TUSC3: variants seen among roughly 807,000 people sequenced by gnomAD.
TUSC3 encodes dolichyl-diphosphooligosaccharide--protein glycosyltransferase subunit TUSC3.
A neutral mutation model predicts 44.8 loss-of-function variants in TUSC3; 45 were observed. That is an observed-to-expected ratio of 1.00 (90% CI 0.79 to 1.29). The LOEUF is 1.29. Ranked by LOEUF, TUSC3 falls within the 50% of genes most tolerant of loss-of-function variation. The probability of loss-of-function intolerance (pLI) is 0.00; values close to 1 mark genes in which losing one functional copy is unlikely to be tolerated. For synonymous variants in TUSC3, 212 were observed against 152.9 expected, an observed-to-expected ratio of 1.39 and a Z score of -2.85; for missense variants, 519 against 437.9, an observed-to-expected ratio of 1.19 and a Z score of -1.65.
chr8:15,559,568 C>T (rs1802381496), intron 1 of TUSC3, among the ~76,000 whole-genome samples: 1 of 141,180 alleles, frequency 7.1e-6, no homozygotes, highest in Admixed American at 7.1e-5. Flanking sequence ...TGTTGACTTT[C>T]TGTCTCGTTG....
chr8:15,535,978 A>G (rs1253300615), upstream of TUSC3, among the ~76,000 whole-genome samples: 1 of 152,188 alleles, frequency 6.6e-6, no homozygotes, highest in African/African-American at 2.4e-5. Context: ...AACTTTTTGA[A>G]AACATGAGTT....
chr8:15,834,846 T>G, the TUSC3 span, among the ~76,000 whole-genome samples: 1 of 152,300 alleles, frequency 6.6e-6, no homozygotes, highest in Middle Eastern at 3.4e-3. Context: ...TAAGGTTTAT[T>G]TATAAGCAGA....
intron 2 of TUSC3, among the ~76,000 whole-genome samples, chr8:15,502,074 ATC>A: frequency 6.6e-6 from 1 of 152,256 alleles, no homozygotes; most frequent in East Asian, 1.9e-4. Context: ...TGTTATCACC[ATC>A]TATCTATTCA....
intron 2 of TUSC3, among the ~76,000 whole-genome samples, chr8:15,496,017 C>G (rs985808595): frequency 3.9e-5 from 6 of 152,184 alleles, no homozygotes; most frequent in African/African-American, 1.4e-4. Flanking sequence ...GTGGCCTCTA[C>G]TGTTCCAGAA....
chr8:15,441,533 A>G (rs2129118537), intron 1 of TUSC3, among the ~76,000 whole-genome samples: 1 of 152,350 alleles, frequency 6.6e-6, no homozygotes, highest in Middle Eastern at 3.4e-3. Context: ...ACTTGAATGG[A>G]AAGAAAATAT....
chr8:15,799,611 A>C, the TUSC3 span, among the ~76,000 whole-genome samples: 162 of 152,314 alleles, frequency 1.1e-3, no homozygotes, highest in African/African-American at 3.7e-3. Flanking sequence ...AGCTAACCAT[A>C]CAATTTGGTC....
At chr8:15,447,824 A>G (rs553170343) in intron 1 of TUSC3, among the ~76,000 whole-genome samples, 140 of 151,986 alleles carry the variant, frequency 9.2e-4, no homozygotes, top group African/African-American at 3.3e-3. Flanking sequence ...GGTAAGTGAT[A>G]CCATGCGAGA....
At chr8:15,649,379 T>A in intron 2 of TUSC3, among the ~76,000 whole-genome samples, 1 of 151,840 alleles carries the variant, frequency 6.6e-6, no homozygotes, top group East Asian at 2.0e-4. Context: ...GGTCAGGAGA[T>A]CGAGACCATC....
chr8:15,730,551 A>G, intron 6 of TUSC3, 115 bp from the exon 7 acceptor site: 2 of 1,019,480 alleles, frequency 2.0e-6, no homozygotes, highest in Non-Finnish European at 2.9e-6. Context: ...AGAAAGTAAT[A>G]AAAAATTAGT....
chr8:15,549,498 G>A (rs1801984255), intron 1 of TUSC3, among the ~76,000 whole-genome samples: 1 of 151,600 alleles, frequency 6.6e-6, no homozygotes. Flanking sequence ...TTTTTTGTGT[G>A]TGCCTATAAT....
At chr8:15,492,136 A>G (rs1375326250) in intron 2 of TUSC3, among the ~76,000 whole-genome samples, 4 of 152,108 alleles carry the variant, frequency 2.6e-5, no homozygotes, top group Admixed American at 2.6e-4. Flanking sequence ...TTTGGCTGCC[A>G]TCTTGGAGTT....
chr8:15,520,462 A>T (rs1801282617), intron 2 of TUSC3, among the ~76,000 whole-genome samples: 1 of 152,170 alleles, frequency 6.6e-6, no homozygotes, highest in African/African-American at 2.4e-5. Context: ...GATTCTACAA[A>T]TTGTTGGTCA....
chr8:15,459,541 A>T (rs1437512004), intron 1 of TUSC3, among the ~76,000 whole-genome samples: 1 of 151,850 alleles, frequency 6.6e-6, no homozygotes, highest in East Asian at 1.9e-4. Context: ...TTTAGTGGTG[A>T]TTTGTGAGAT....
At chr8:15,650,889 A>T (rs1585193894) in intron 3 of TUSC3, 75 bp downstream of exon 3, 2 of 1,466,636 alleles carry the variant, frequency 1.4e-6, no homozygotes, top group East Asian at 2.3e-5. Flanking sequence ...TCACATAAAA[A>T]TACAATTCAT....
intron 1 of TUSC3, among the ~76,000 whole-genome samples, chr8:15,428,790 A>G (rs1331267606): frequency 5.3e-5 from 8 of 152,006 alleles, no homozygotes; most frequent in African/African-American, 9.7e-5. Flanking sequence ...GTCTGTTCAT[A>G]TCCTTTGCCC....
intron 2 of TUSC3, among the ~76,000 whole-genome samples, chr8:15,636,779 AG>A (rs1806098798): frequency 6.6e-6 from 1 of 152,184 alleles, no homozygotes; most frequent in Admixed American, 6.5e-5. Flanking sequence ...AACTTATTTC[AG>A]TGCCTAAAGA....
chr8:15,774,234 T>C, the TUSC3 span, among the ~76,000 whole-genome samples: 136 of 127,440 alleles, frequency 1.1e-3, no homozygotes, highest in African/African-American at 3.7e-3. Context: ...CGTCAAATTT[T>C]GTCTCCTCAA....
chr8:15,743,846 T>C (rs930580189), intron 8 of TUSC3, among the ~76,000 whole-genome samples: 4 of 151,858 alleles, frequency 2.6e-5, no homozygotes, highest in Non-Finnish European at 5.9e-5. Flanking sequence ...GGAGCTGTCC[T>C]TCACCCTTGT....
intron 9 of TUSC3, among the ~76,000 whole-genome samples, chr8:15,755,325 C>T (rs1811879546): frequency 6.6e-6 from 1 of 152,120 alleles, no homozygotes; most frequent in Admixed American, 6.5e-5. Context: ...TTGCCTGGTA[C>T]ATAGTACTGA....
Sources: gnomAD v4.1 joint callset for allele counts (sites outside exome capture counted in the v4.1 genomes callset) on GRCh38, gnomAD v4.1.1 for gene constraint, MANE v1.5 for transcripts, NCBI Gene and HGNC (gene_info 2026-07-23, HGNC 2026-07-21) for gene names.